CSMD3: variants seen among roughly 807,000 people sequenced by gnomAD.
The protein encoded by CSMD3 is CUB and sushi domain-containing protein 3.
CSMD3 carries 177 observed loss-of-function variants against 435.2 expected under a neutral mutation model. The observed-to-expected ratio is 0.41, with a 90% CI of 0.36 to 0.46. The LOEUF (loss-of-function observed/expected upper bound fraction) is 0.46, where lower values mean the gene tolerates loss of function less well. CSMD3 is among the 20% of genes least tolerant of loss of function. CSMD3 has a pLI of 0.34. For missense variants in CSMD3, 4,265 were observed against 4,504.6 expected (o/e 0.95, Z 1.52); for synonymous variants, 1,656 against 1,520.5 (o/e 1.09, Z -2.07).
intron 61 of CSMD3, among the ~76,000 whole-genome samples, chr8:112,260,204 T>C (rs1437487285): frequency 1.3e-5 from 2 of 152,194 alleles, no homozygotes; most frequent in South Asian, 4.1e-4. Context: ...TGGATTTGCA[T>C]ACCCAATGGA....
rs750690317 is a variant in CSMD3, at chr8:113,434,243, C to A, written c.178+2434G>T. Among the ~76,000 whole-genome samples, 12 of 152,220 alleles carry A rather than the reference C, an allele frequency of 7.9e-5. No homozygotes were observed. In the South Asian group the frequency reaches 2.5e-3, roughly 32 times the overall value. On this transcript the variant is annotated intron_variant, in intron 1 of 70. Transcript: ENST00000297405. ...ACTGCCTGCCTCGGACTTCCTGGAC[C>A]CTCACGCTAGTCTAGATTAGAACCT...
intron 23 of CSMD3, among the ~76,000 whole-genome samples, chr8:112,575,346 G>T (rs894523150): frequency 1.3e-5 from 2 of 151,992 alleles, no homozygotes; most frequent in Admixed American, 1.3e-4. Flanking sequence ...TTGTTTACTT[G>T]TTCTTTACAG....
intron 38 of CSMD3, among the ~76,000 whole-genome samples, chr8:112,378,279 A>C (rs1333497822): frequency 6.6e-6 from 1 of 151,962 alleles, no homozygotes; most frequent in Non-Finnish European, 1.5e-5. Context: ...GAAAAAAAAA[A>C]CGGAAAATAG....
At chr8:112,277,514 G>T (rs558805135) in intron 59 of CSMD3, among the ~76,000 whole-genome samples, 1 of 151,982 alleles carries the variant, frequency 6.6e-6, no homozygotes, top group Non-Finnish European at 1.5e-5. Flanking sequence ...ACATTTTTCT[G>T]TCTTCTCCTG....
Position 112,242,568 on chromosome 8 carries a change from C to T in CSMD3, c.10403-783G>A, listed in dbSNP as rs575865635. Among the ~76,000 whole-genome samples, 37 of 151,690 alleles carry T rather than the reference C, an allele frequency of 2.4e-4. No homozygotes were observed. In the Middle Eastern group the frequency reaches 0.01, roughly 42 times the overall value. On this transcript the variant is annotated intron_variant, in intron 65 of 70. Coordinates refer to ENST00000297405, the MANE Select transcript of CSMD3 (RefSeq NM_198123.2). ...ACAATAAACCAAAAAGGGGAACAGA[C>T]GAAAAAGCTATTGAAATTGTGGTGA...
chr8:112,989,316 T>C (rs949076045), intron 6 of CSMD3, among the ~76,000 whole-genome samples: 2 of 152,156 alleles, frequency 1.3e-5, no homozygotes, highest in Non-Finnish European at 2.9e-5. Context: ...ATACTTCCTA[T>C]CCAGTTATCA....
intron 3 of CSMD3, among the ~76,000 whole-genome samples, chr8:113,217,107 C>T (rs1220902766): frequency 6.6e-6 from 1 of 151,380 alleles, no homozygotes; most frequent in Admixed American, 6.6e-5. Flanking sequence ...AAAGTCAGAA[C>T]CAAGCCATAA....
intron 13 of CSMD3, among the ~76,000 whole-genome samples, chr8:112,791,319 G>GGAAAAAAAAAAAA (rs56289713): frequency 2.9e-5 from 3 of 103,194 alleles, no homozygotes; most frequent in Non-Finnish European, 3.9e-5. Flanking sequence ...CATATCCTGT[G>GGAAAAAAAAAAAA]AAAAAAAAAA....
intron 3 of CSMD3, among the ~76,000 whole-genome samples, chr8:113,249,513 C>G (rs1445684368): frequency 6.6e-6 from 1 of 151,972 alleles, no homozygotes; most frequent in Non-Finnish European, 1.5e-5. Flanking sequence ...TATAAGGAAT[C>G]AATTTTTTAT....
chr8:112,375,866 G>A lies in CSMD3; in HGVS notation c.6136+4486C>T, dbSNP rs1005695793. 5.3e-5 allele frequency among the ~76,000 whole-genome samples: 8 copies of A among 151,980 alleles called. No individual in the cohort carries two copies. In the South Asian group the frequency reaches 1.0e-3, roughly 20 times the overall value. Reference sequence around the variant, plus strand: ...ATAACAAAGTCAAATTTCTCATTACGACATCCTATACCTTTCAGGAGTAGT... The same window carrying A: ...ATAACAAAGTCAAATTTCTCATTACAACATCCTATACCTTTCAGGAGTAGT... On this transcript the variant is annotated intron_variant, in intron 38 of 70. Coordinates refer to ENST00000297405, the MANE Select transcript of CSMD3 (RefSeq NM_198123.2).
At chr8:112,546,058 C>T (rs72676646) in intron 27 of CSMD3, among the ~76,000 whole-genome samples, 314 of 152,218 alleles carry the variant, frequency 2.1e-3, no homozygotes, top group Non-Finnish European at 3.9e-3. Context: ...AATGTAGGTA[C>T]AAGTGTTTCA....
intron 2 of CSMD3, 98 bp from the exon 3 acceptor site, chr8:113,278,802 A>AT (rs925492183): frequency 2.8e-5 from 19 of 679,152 alleles, no homozygotes; most frequent in African/African-American, 2.7e-4. Flanking sequence ...AATAAAACAG[A>AT]TTTTCTCCTA....
intron 10 of CSMD3, among the ~76,000 whole-genome samples, chr8:112,902,177 G>A (rs2082123694): frequency 6.6e-6 from 1 of 151,114 alleles, no homozygotes; most frequent in South Asian, 2.1e-4. Flanking sequence ...CCTTTATCTA[G>A]GTGTCCCAAA....
chr8:112,487,677 G>A (rs1820276908), intron 31 of CSMD3, among the ~76,000 whole-genome samples: 1 of 152,094 alleles, frequency 6.6e-6, no homozygotes, highest in Non-Finnish European at 1.5e-5. Context: ...TAGGAAAGAG[G>A]AAAAGAGGTA....
chr8:112,746,834 CT>C (rs1189625399), intron 13 of CSMD3, among the ~76,000 whole-genome samples: 1 of 152,030 alleles, frequency 6.6e-6, no homozygotes, highest in Non-Finnish European at 1.5e-5. Context: ...GAGAAAAAGA[CT>C]TGGAAGGATA....
At chr8:112,724,280 T>A (rs4637868) in intron 13 of CSMD3, among the ~76,000 whole-genome samples, 1 of 151,724 alleles carries the variant, frequency 6.6e-6, no homozygotes, top group Admixed American at 6.6e-5. Context: ...AGAGTGAGAA[T>A]GAAAGAAAAA....
chr8:113,269,204 T>A lies in CSMD3; in HGVS notation c.514+9388A>T, dbSNP rs553752615. ...ACCCAAATCACGGGTAAACTCCTAT[T>A]CACATTTGCTTCAAAGAGAATAAAA... On this transcript the variant is annotated intron_variant, in intron 3 of 70. Coordinates refer to ENST00000297405, the MANE Select transcript of CSMD3 (RefSeq NM_198123.2). 3.3e-5 allele frequency among the ~76,000 whole-genome samples: 5 copies of A among 152,260 alleles called. No individual in the cohort carries two copies. In the East Asian group the frequency reaches 9.7e-4, roughly 29 times the overall value.
chr8:112,995,329 GT>G (rs2085609581), intron 6 of CSMD3, among the ~76,000 whole-genome samples: 2 of 151,414 alleles, frequency 1.3e-5, no homozygotes, highest in African/African-American at 4.8e-5. Context: ...GGCACATTTA[GT>G]TTTGGTATAA....
chr8:113,257,201 G>T (rs2093388943), intron 3 of CSMD3, among the ~76,000 whole-genome samples: 1 of 152,100 alleles, frequency 6.6e-6, no homozygotes, highest in Non-Finnish European at 1.5e-5. Context: ...GTGGTCAGGA[G>T]ATCAAGACCT....
Sources: gnomAD v4.1 joint callset for allele counts (sites outside exome capture counted in the v4.1 genomes callset) on GRCh38, gnomAD v4.1.1 for gene constraint, MANE v1.5 for transcripts, NCBI Gene and HGNC (gene_info 2026-07-23, HGNC 2026-07-21) for gene names.